The following KRT28 variants were observed in gnomAD, a reference collection of about 807,000 sequenced individuals.
The protein encoded by KRT28 is keratin 28, also known as keratin, type I cytoskeletal 28.
KRT28 carries 45 observed loss-of-function variants against 48.1 expected under a neutral mutation model. The ratio of observed to expected loss-of-function variants is 0.94; its 90% CI spans 0.74 to 1.20. The LOEUF (loss-of-function observed/expected upper bound fraction) is 1.20. KRT28 is among the 50% of genes most tolerant of loss of function. The probability of loss-of-function intolerance (pLI) is 0.00; values close to 1 mark genes in which losing one functional copy is unlikely to be tolerated. For missense variants in KRT28, 571 were observed against 574.1 expected, an observed-to-expected ratio of 0.99 and a Z score of 0.06; for synonymous variants, 228 against 227.4, an observed-to-expected ratio of 1.00 and a Z score of -0.03.
At chr17:40,795,300 A>C (rs1161048211) in intron 5 of KRT28, among the ~76,000 whole-genome samples, 3 of 152,090 alleles carry the variant, frequency 2.0e-5, no homozygotes, top group Non-Finnish European at 4.4e-5. Context: ...TGTGCTCGGC[A>C]GCTCAAAACT....
chr17:40,797,110 C>T lies in KRT28; in HGVS notation c.852+10G>A. 6.2e-7 allele frequency: 1 copy of T among 1,612,542 alleles called. No homozygotes were observed. On this transcript the variant is annotated intron_variant, in intron 4 of 7. Coordinates refer to ENST00000306658, the MANE Select transcript of KRT28 (RefSeq NM_181535.3). ...GGGAGGTGTGAGCAGGGAGACGGGGCCCACCTCACCTTCTCATTGAACCAG... is the reference window on the plus strand; with the variant it reads ...GGGAGGTGTGAGCAGGGAGACGGGGTCCACCTCACCTTCTCATTGAACCAG...
rs1339693188 is a variant in KRT28 at position 40,799,463 on chromosome 17, A to G, written c.431T>C (p.Ile144Thr). Residue 144 changes from isoleucine (I) to threonine (T), a missense_variant, in exon 1 of 8, where the codon ATT becomes ACT. Transcript: ENST00000306658. Reference protein sequence around the residue: ...DHDYSRYHLTIEDLKNKIISS... With the variant: ...DHDYSRYHLTTEDLKNKIISS... ...TCTCACCTTATTCTTAAGATCCTCA[A>G]TTGTTAGGTGATATCTGCTATAGTC... The G allele has an allele frequency of 2.5e-6, 4 of 1,606,082 alleles. No homozygotes were observed. The highest frequency in any genetic ancestry group is 2.7e-5 in the African/African-American group (2 of 74,672).
At chr17:40,798,881 CT>C in intron 2 of KRT28, 35 bp downstream of exon 2, 2 of 1,380,388 alleles carry the variant, frequency 1.4e-6, no homozygotes, top group East Asian at 4.6e-5. Flanking sequence ...TAAATAGAAA[CT>C]TTTTTCTAGA....
At position 40,796,815 on chromosome 17, in the gene KRT28, G is replaced by A. The variant is rs998954831; in HGVS notation, c.978+101C>T. On this transcript the variant is annotated intron_variant, in intron 5 of 7. Coordinates refer to ENST00000306658, the MANE Select transcript of KRT28 (RefSeq NM_181535.3). The stretch of plus-strand genomic sequence containing the variant: ...CCACTCTCTCTGCTAAGTATTTGCA[G>A]GCAAAGGTATAATAGGAAAAAAGAA... The A allele has an allele frequency of 2.8e-6, 4 of 1,438,266 alleles. No individual in the cohort carries two copies. In the African/African-American group the frequency reaches 5.7e-5, roughly 20 times the overall value. 89.1% of individuals were successfully genotyped at this position (1,438,266 alleles called of 1,614,324 possible).
At chr17:40,794,366 A>G (rs1904564654) in intron 5 of KRT28, among the ~76,000 whole-genome samples, 2 of 152,220 alleles carry the variant, frequency 1.3e-5, no homozygotes, top group South Asian at 4.1e-4. Flanking sequence ...AGCAGAATAA[A>G]AAATCGATAT....
In KRT28 at chr17:40,793,908, A is replaced by G; in HGVS notation, c.1117T>C (p.Tyr373His). Residue 373 changes from tyrosine (Y) to histidine (H), a missense_variant, in exon 6 of 8, where the codon TAT becomes CAT. Transcript: ENST00000306658. ...ACCTTGACATCGAGGAGATGCTCAT[A>G]CTCCAGCTTCTGGCCCTCGGTCTCG... is the stretch of plus-strand genomic sequence containing the variant. ...RTETEGQKLE[Y>H]EHLLDVKVHL... 6.2e-7 allele frequency: 1 copy of G among 1,613,350 alleles called. No individual in the cohort carries two copies. Among genetic ancestry groups the G allele is most frequent in the Non-Finnish European group, 8.5e-7 (1 of 1,179,672 alleles).
rs749602163 is a variant in KRT28, at chr17:40,792,488, G to T, written c.1334C>A (p.Ser445Tyr). The change falls in exon 8 of 8, where the codon TCC (serine) becomes TAC (tyrosine). Residue 445 changes from serine (S) to tyrosine (Y), a missense_variant. Physicochemically the swap from Ser to Tyr is moderately radical, Grantham distance 144. Transcript: ENST00000306658. The stretch of plus-strand genomic sequence containing the variant: ...CATTTTAGATGTCTTTTCTTCAATG[G>T]AGTGAATCCTTGATGAAAGAACTTT... ...RGKVLSSRIH[S>Y]IEEKTSKMTN... 1.9e-6 allele frequency: 3 copies of T among 1,612,604 alleles called. No homozygotes were observed. The highest frequency in any genetic ancestry group is 1.7e-4 in the Middle Eastern group (1 of 6,054).
chr17:40,794,700 G>T (rs1904573146), intron 5 of KRT28, among the ~76,000 whole-genome samples: 1 of 152,076 alleles, frequency 6.6e-6, no homozygotes, highest in African/African-American at 2.4e-5. Context: ...TCTGTAATTT[G>T]TCTTGGCACC....
At position 40,792,244 on chromosome 17, in the gene KRT28, T is replaced by C; in HGVS notation, c.*183A>G. 1 of 442,794 alleles carries C rather than the reference T, an allele frequency of 2.3e-6. No homozygotes were observed. Among genetic ancestry groups the C allele is most frequent in the Non-Finnish European group, 3.9e-6 (1 of 254,732 alleles). 27.4% of individuals were successfully genotyped at this position (442,794 alleles called of 1,614,324 possible). A position where few individuals can be genotyped will look rare whatever the true frequency, so the allele number is the denominator to read the frequency against. Reference sequence around the variant, plus strand: ...TTAGTCATCAGTGAATGGAAATGAATGCACATCAACTTTTTTATTTATTGG... The same window carrying C: ...TTAGTCATCAGTGAATGGAAATGAACGCACATCAACTTTTTTATTTATTGG... On this transcript the variant is annotated 3_prime_UTR_variant, in exon 8 of 8. Coordinates refer to ENST00000306658, the MANE Select transcript of KRT28 (RefSeq NM_181535.3).
At chr17:40,795,624 TCA>T (rs1336948659) in intron 5 of KRT28, among the ~76,000 whole-genome samples, 1 of 152,238 alleles carries the variant, frequency 6.6e-6, no homozygotes, top group East Asian at 1.9e-4. Flanking sequence ...ATTCTAGAAT[TCA>T]GTTATGTCCT....
chr17:40,796,986 C>A lies in KRT28; in HGVS notation c.908G>T (p.Arg303Leu), dbSNP rs760220348. The change falls in exon 5 of 8, where the codon CGG becomes CTG. Residue 303 changes from arginine to leucine, a missense_variant. By Grantham distance (102) the Arg-to-Leu change is moderately radical. Transcript: ENST00000306658. ...GCGCCTCATCTCGGTGAGCTGGCTC[C>A]GGGCGAAAGTGGCTGCGCCTGAGTC... ...SHDSGAATFA[R>L]SQLTEMRRTL... is the part of the protein sequence containing the mutation. The A allele has an allele frequency of 6.2e-7, 1 of 1,612,786 alleles. No individual in the cohort carries two copies. The highest frequency in any genetic ancestry group is 1.7e-5 in the Admixed American group (1 of 59,908).
Position 40,799,687 on chromosome 17 carries a change from A to T in KRT28, c.207T>A (p.Ala69=). Residue 69 remains alanine (A), a synonymous_variant, in exon 1 of 8, where the codon GCT becomes GCA. Transcript: ENST00000306658. ...GSHAGGALGN[A]ACIGFAGSEG... ...CGCTTCCAGCAAAGCCAATACAAGC[A>T]GCATTTCCAAGGGCACCACCAGCAT... 6.2e-7 allele frequency: 1 copy of T among 1,614,154 alleles called. No individual in the cohort carries two copies. Among genetic ancestry groups the T allele is most frequent in the Non-Finnish European group, 8.5e-7 (1 of 1,180,014 alleles).
In KRT28 at chr17:40,796,892, A is replaced by G. The variant is rs772628163; in HGVS notation, c.978+24T>C. On this transcript the variant is annotated intron_variant, in intron 5 of 7. Transcript: ENST00000306658. ...GAGGCTTTCTAGAATCACAGGATCC[A>G]GGCTGACCTTCGCTGTCACCTACCG... 4.5e-5 allele frequency: 70 copies of G among 1,564,810 alleles called. 1 individual carries two copies. In the Admixed American group the frequency reaches 1.4e-3, roughly 30 times the overall value.
rs372865484 is a variant in KRT28, at chr17:40,793,998, T to C, written c.1027A>G (p.Thr343Ala). The C allele has an allele frequency of 4.9e-5, 79 of 1,613,940 alleles. No individual in the cohort carries two copies. The Middle Eastern group carries it at 1.2e-3, about 24-fold the overall frequency. ...SLTETESNYC[T>A]QLAQIQAQIG... ...TGAGCCTGGATCTGCGCCAGCTGCG[T>C]ACAGTAGTTGCTCTCGGTCTCTGTC... is the stretch of plus-strand genomic sequence containing the variant. Residue 343 changes from threonine (T) to alanine (A), a missense_variant, in exon 6 of 8, where the codon ACG (threonine) becomes GCG (alanine). Physicochemically the swap from Thr to Ala is moderately conservative, Grantham distance 58. Coordinates refer to ENST00000306658, the MANE Select transcript of KRT28 (RefSeq NM_181535.3).
chr17:40,797,196 A>G lies in KRT28; in HGVS notation c.776T>C (p.Leu259Ser). ...TTCGTACTCCGCTCGCATGTTGTTC[A>G]ACAAAACCGCGAGGTCTACCCCCGG... is the stretch of plus-strand genomic sequence containing the variant. ...AAPGVDLAVLLNNMRAEYEAL... is the reference protein window; with the variant it reads ...AAPGVDLAVLSNNMRAEYEAL... Residue 259 changes from leucine (L) to serine (S), a missense_variant, in exon 4 of 8, where the codon TTG becomes TCG. Transcript: ENST00000306658. 5 of 1,614,096 alleles carry G rather than the reference A, an allele frequency of 3.1e-6. No individual in the cohort carries two copies. Among genetic ancestry groups the G allele is most frequent in the Non-Finnish European group, 4.2e-6 (5 of 1,180,010 alleles).
At chr17:40,797,424 G>T in intron 3 of KRT28, 143 bp from the exon 4 acceptor site, 1 of 766,094 alleles carries the variant, frequency 1.3e-6, no homozygotes. Flanking sequence ...TGACATATTC[G>T]GTCCATATTC....
chr17:40,795,123 T>G (rs950184167), intron 5 of KRT28, among the ~76,000 whole-genome samples: 1 of 152,112 alleles, frequency 6.6e-6, no homozygotes, highest in African/African-American at 2.4e-5. Flanking sequence ...CGGGCAGACA[T>G]TGGGTCTAAT....
At chr17:40,793,282 T>C in intron 6 of KRT28, 72 bp from the exon 7 acceptor site, 1 of 993,662 alleles carries the variant, frequency 1.0e-6, no homozygotes, top group Non-Finnish European at 1.4e-6. Flanking sequence ...ATTGACTCAA[T>C]GAATGAAATT....
At chr17:40,797,519 C>A (rs1028285396) in intron 3 of KRT28, among the ~76,000 whole-genome samples, 3 of 152,116 alleles carry the variant, frequency 2.0e-5, no homozygotes, top group Non-Finnish European at 4.4e-5. Flanking sequence ...GAGGCTGAGG[C>A]GGGCGGATCA....
Sources: gnomAD v4.1 joint callset for allele counts (sites outside exome capture counted in the v4.1 genomes callset) on GRCh38, gnomAD v4.1.1 for gene constraint, MANE v1.5 for transcripts, NCBI Gene and HGNC (gene_info 2026-07-23, HGNC 2026-07-21) for gene names.